Variants in ANKRD28 observed in about 807,000 individuals in gnomAD.
ANKRD28 encodes serine/threonine-protein phosphatase 6 regulatory ankyrin repeat subunit A.
A neutral mutation model predicts 126.5 loss-of-function variants in ANKRD28; 44 were observed. The observed-to-expected ratio is 0.35, with a 90% CI of 0.27 to 0.45. ANKRD28 has a LOEUF of 0.45. ANKRD28 is among the 20% of genes least tolerant of loss of function. The pLI is 1.00. For missense variants in ANKRD28, 1,110 were observed against 1,316.6 expected (o/e 0.84, Z 2.43); for synonymous variants, 442 against 468.5 (o/e 0.94, Z 0.73).
intron 8 of ANKRD28, among the ~76,000 whole-genome samples, chr3:15,716,639 G>C (rs1278357304): frequency 6.6e-6 from 1 of 151,550 alleles, no homozygotes; most frequent in African/African-American, 2.4e-5. Flanking sequence ...TTGATAAGAA[G>C]GATAAGAAAA....
intron 2 of ANKRD28, chr3:15,781,591 A>C (rs1010467423): frequency 3.9e-5 from 6 of 152,146 alleles, no homozygotes; most frequent in African/African-American, 1.2e-4. Flanking sequence ...GGACAATTGT[A>C]ATCATCAAAT....
rs1204795500 is a variant in ANKRD28, at chr3:15,713,416, TACAACATTGAGGATAAAATCCACATTTCC to T, written c.1190+82_1190+110del. 22 of 784,024 alleles carry T rather than the reference TACAACATTGAGGATAAAATCCACATTTCC, an allele frequency of 2.8e-5. No individual in the cohort carries two copies. In the African/African-American group the frequency reaches 3.6e-4, roughly 13 times the overall value. 48.6% of individuals were successfully genotyped at this position (784,024 alleles called of 1,614,324 possible). On this transcript the variant is annotated intron_variant, in intron 10 of 27. Transcript: ENST00000683139. ...TACAAAAGAAAGTTCAAGCAATTAA[TACAACATTGAGGATAAAATCCACATTTCC>T]ACGTGAAATGTCTAGAAAACTGCAG...
intron 2 of ANKRD28, among the ~76,000 whole-genome samples, chr3:15,776,269 T>G (rs1559512150): frequency 1.3e-5 from 2 of 152,204 alleles, no homozygotes; most frequent in Non-Finnish European, 1.5e-5. Flanking sequence ...AATATATGTA[T>G]AGCCAAGTAT....
chr3:15,679,630 G>A, intron 21 of ANKRD28, 67 bp from the exon 22 acceptor site: 3 of 1,264,522 alleles, frequency 2.4e-6, no homozygotes, highest in Non-Finnish European at 3.4e-6. Flanking sequence ...ACAGGTACAT[G>A]TAAGTGTTTA....
chr3:15,712,044 C>T lies in ANKRD28; in HGVS notation c.1273+96G>A, dbSNP rs527808290. ...GGTTATTAAATTATCCATACTGGAC[C>T]CATCTGCATTAATTTTTAAAAAGCA... On this transcript the variant is annotated intron_variant, in intron 11 of 27. Coordinates refer to ENST00000683139, the MANE Select transcript of ANKRD28 (RefSeq NM_001349278.2). 2.9e-4 allele frequency: 268 copies of T among 911,054 alleles called. No individual in the cohort carries two copies. In the Middle Eastern group the frequency reaches 6.7e-3, roughly 23 times the overall value. 56.4% of individuals were successfully genotyped at this position (911,054 alleles called of 1,614,324 possible). A position where few individuals can be genotyped will look rare whatever the true frequency, so the allele number is the denominator to read the frequency against.
At position 15,720,973 on chromosome 3, in the gene ANKRD28, G is replaced by T; in HGVS notation, c.938C>A (p.Thr313Lys). The stretch of plus-strand genomic sequence containing the variant: ...AAGCTCTAAACACAATGCTCCATGT[G>T]TTGATGCAGCAGCAAAGTGCAAAGG... ...FTPLHFAAAS[T>K]HGALCLELLV... The change falls in exon 8 of 28, where the codon ACA becomes AAA. Residue 313 changes from threonine to lysine, a missense_variant. By Grantham distance (78) the Thr-to-Lys change is moderately conservative. Transcript: ENST00000683139. 6.2e-7 allele frequency: 1 copy of T among 1,613,884 alleles called. No homozygotes were observed. The highest frequency in any genetic ancestry group is 1.1e-5 in the South Asian group (1 of 91,078).
chr3:15,677,199 T>C, intron 25 of ANKRD28, 143 bp from the exon 26 acceptor site: 1 of 696,244 alleles, frequency 1.4e-6, no homozygotes, highest in Non-Finnish European at 2.4e-6. Flanking sequence ...ATCTTAATAT[T>C]TGCCCAAACA....
intron 6 of ANKRD28, among the ~76,000 whole-genome samples, chr3:15,726,913 T>A (rs1248273108): frequency 6.6e-6 from 1 of 152,230 alleles, no homozygotes; most frequent in Non-Finnish European, 1.5e-5. Context: ...CTAAATCCAC[T>A]TTGCCTATGC....
At chr3:15,774,538 T>A (rs1390282298) in intron 2 of ANKRD28, among the ~76,000 whole-genome samples, 1 of 152,170 alleles carries the variant, frequency 6.6e-6, no homozygotes, top group East Asian at 1.9e-4. Flanking sequence ...ATAATTTAAC[T>A]GCAAATATAT....
chr3:15,686,536 C>G, intron 18 of ANKRD28: 1 of 546,676 alleles, frequency 1.8e-6, no homozygotes, highest in Non-Finnish European at 3.3e-6. Context: ...ACCGCCTACC[C>G]AGCACCCATG....
intron 1 of ANKRD28, among the ~76,000 whole-genome samples, chr3:15,803,386 A>C (rs756045756): frequency 1.2e-4 from 18 of 152,120 alleles, no homozygotes; most frequent in Admixed American, 4.6e-4. Flanking sequence ...TGGGAGACCA[A>C]CGTGGGCGGA....
At chr3:15,765,083 T>C (rs2125539909) in intron 3 of ANKRD28, among the ~76,000 whole-genome samples, 1 of 152,346 alleles carries the variant, frequency 6.6e-6, no homozygotes, top group South Asian at 2.1e-4. Flanking sequence ...AATTTCATTA[T>C]GCATGTAGGT....
chr3:15,859,513 C>A, exon 1 of ANKRD28: 2 of 1,076,230 alleles, frequency 1.9e-6, no homozygotes, highest in South Asian at 3.3e-5. Flanking sequence ...TGCCCGGGAC[C>A]AGCGGGTCCG....
At position 15,669,606 on chromosome 3, in the gene ANKRD28, A is replaced by C. The variant is rs1014023147; in HGVS notation, c.*664T>G. The C allele has an allele frequency of 2.0e-5, 3 of 152,192 alleles. No individual in the cohort carries two copies. The highest frequency in any genetic ancestry group is 4.4e-5 in the Non-Finnish European group (3 of 68,030). The allele number at this position is 152,192 out of a possible 1,614,324, so 9.4% of individuals were successfully genotyped here. ...ATTTGAAATAGTTCTGTAAAAGAAA[A>C]AAATGTAAAAATACATCTGCTTTCT... On this transcript the variant is annotated 3_prime_UTR_variant, in exon 28 of 28. Transcript: ENST00000683139.
chr3:15,742,506 G>A (rs868263042), intron 4 of ANKRD28, among the ~76,000 whole-genome samples: 5,174 of 129,236 alleles, frequency 0.04, 258 homozygotes, highest in East Asian at 0.23. Flanking sequence ...CCTGGCAACC[G>A]CCCCATATGA....
At chr3:15,700,370 G>A (rs898428658) in intron 14 of ANKRD28, among the ~76,000 whole-genome samples, 1 of 151,842 alleles carries the variant, frequency 6.6e-6, no homozygotes, top group African/African-American at 2.4e-5. Context: ...TGAGTTGATG[G>A]GTGCAGCAAA....
chr3:15,798,051 A>C, upstream of ANKRD28: 1 of 985,432 alleles, frequency 1.0e-6, no homozygotes, highest in Non-Finnish European at 1.2e-6. Flanking sequence ...CTTCACAATT[A>C]GAAGGTTCAT....
Position 15,667,799 on chromosome 3 carries a change from GT to G in ANKRD28, c.*2470del, listed in dbSNP as rs913430259. On this transcript the variant is annotated 3_prime_UTR_variant, in exon 28 of 28. Coordinates refer to ENST00000683139, the MANE Select transcript of ANKRD28 (RefSeq NM_001349278.2). ...CGCAAGAACTACCTTAATGTTTTTG[GT>G]AACAGCATCATTTACATATAAGTGA... The G allele has an allele frequency of 6.6e-6, 1 of 152,168 alleles. No homozygotes were observed. Among genetic ancestry groups the G allele is most frequent in the African/African-American group, 2.4e-5 (1 of 41,430 alleles). The allele number at this position is 152,168 out of a possible 1,614,324, so 9.4% of individuals were successfully genotyped here. A position where few individuals can be genotyped will look rare whatever the true frequency, so the allele number is the denominator to read the frequency against.
At chr3:15,746,196 T>G (rs1320465902) in intron 4 of ANKRD28, among the ~76,000 whole-genome samples, 1 of 152,208 alleles carries the variant, frequency 6.6e-6, no homozygotes, top group Non-Finnish European at 1.5e-5. Flanking sequence ...TGGATGCCCT[T>G]TATTTCATTC....
Sources: gnomAD v4.1 joint callset for allele counts (sites outside exome capture counted in the v4.1 genomes callset) on GRCh38, gnomAD v4.1.1 for gene constraint, MANE v1.5 for transcripts, NCBI Gene and HGNC (gene_info 2026-07-23, HGNC 2026-07-21) for gene names.